Variants in PTK2 observed in about 807,000 individuals in gnomAD.
PTK2 encodes protein tyrosine kinase 2, also known as focal adhesion kinase 1.
In PTK2, 45 loss-of-function variants were observed where a neutral mutation model predicts 150.1. That is an observed-to-expected ratio of 0.30 (90% CI 0.24 to 0.38). The LOEUF is 0.38. Among genes scored for constraint, PTK2 ranks in the 10% least tolerant of loss-of-function variants. The probability of loss-of-function intolerance (pLI) is 1.00; values close to 1 mark genes in which losing one functional copy is unlikely to be tolerated. For missense variants in PTK2, 919 were observed against 1,307.3 expected, an observed-to-expected ratio of 0.70 and a Z score of 4.58; for synonymous variants, 432 against 449.2, an observed-to-expected ratio of 0.96 and a Z score of 0.48.
chr8:140,872,539 G>A (rs1225844598), intron 4 of PTK2, among the ~76,000 whole-genome samples: 1 of 152,162 alleles, frequency 6.6e-6, no homozygotes, highest in Non-Finnish European at 1.5e-5. Flanking sequence ...CCTGCCCCTG[G>A]ACTGACTGGG....
exon 29 of PTK2, chr8:140,674,341 G>T: frequency 6.2e-7 from 1 of 1,608,050 alleles, no homozygotes. Flanking sequence ...GCTGAGGCTG[G>T]CAAGGCTTCC....
chr8:140,829,650 A>T (rs1278534829), intron 8 of PTK2, among the ~76,000 whole-genome samples: 1 of 152,140 alleles, frequency 6.6e-6, no homozygotes, highest in Non-Finnish European at 1.5e-5. Context: ...GTAGAATAAG[A>T]TCTTTGAAAA....
intron 2 of PTK2, among the ~76,000 whole-genome samples, chr8:140,901,991 C>T (rs2100158660): frequency 6.6e-6 from 1 of 151,402 alleles, no homozygotes; most frequent in South Asian, 2.1e-4. Context: ...ATCAACTCAT[C>T]CTTTTTTATG....
chr8:140,758,956 A>T (rs2100067548), intron 16 of PTK2, among the ~76,000 whole-genome samples: 1 of 152,206 alleles, frequency 6.6e-6, no homozygotes, highest in Non-Finnish European at 1.5e-5. Flanking sequence ...CATGTGCTAC[A>T]ACTGCCCACA....
intron 22 of PTK2, among the ~76,000 whole-genome samples, chr8:140,724,932 T>C (rs924763027): frequency 2.0e-5 from 3 of 152,212 alleles, no homozygotes; most frequent in Non-Finnish European, 4.4e-5. Context: ...CTTTTTCTCT[T>C]TTCTCTTAAG....
intron 22 of PTK2, chr8:140,732,769 G>A: frequency 3.8e-6 from 1 of 264,094 alleles, no homozygotes; most frequent in Non-Finnish European, 7.6e-6. Context: ...AGCAGCATAG[G>A]GTAAGCCTGA....
Position 140,764,250 on chromosome 8 carries a change from A to C in PTK2, c.1218T>G (p.Thr406=), listed in dbSNP as rs531165713. ...TTTACTTACTTGAGGGCATGGTGTAAGTATCTTCTTCATCTATAATCTCAG... is the reference window on the plus strand; with the variant it reads ...TTTACTTACTTGAGGGCATGGTGTACGTATCTTCTTCATCTATAATCTCAG... Residue 406 remains threonine (T), a synonymous_variant, in exon 15 of 32, where the codon ACT becomes ACG. Coordinates refer to ENST00000522684, the Ensembl canonical transcript of PTK2. 120 of 1,610,982 alleles carry C rather than the reference A, an allele frequency of 7.4e-5. 1 individual carries two copies. The Middle Eastern group carries it at 8.3e-4, about 11-fold the overall frequency.
rs528488194 is a variant in PTK2 at position 140,885,207 on chromosome 8, AATCTTTGGCTATCAAATCAAT to A, written c.195+5315_195+5335del. On this transcript the variant is annotated intron_variant, in intron 3 of 31. Coordinates refer to ENST00000522684, the Ensembl canonical transcript of PTK2. ...GTGGGGTATGGCTTTGAATAGGTAT[AATCTTTGGCTATCAAATCAAT>A]ATCTTTGTGGTTATTTGTCAATTAA... Among the ~76,000 whole-genome samples, 356 of 152,336 alleles carry A rather than the reference AATCTTTGGCTATCAAATCAAT, an allele frequency of 2.3e-3. 1 individual carries two copies. Among genetic ancestry groups the A allele is most frequent in the African/African-American group, 8.0e-3 (332 of 41,572 alleles).
intron 2 of PTK2, among the ~76,000 whole-genome samples, chr8:140,919,983 A>G (rs528073613): frequency 5.3e-4 from 80 of 152,294 alleles, no homozygotes; most frequent in South Asian, 2.7e-3. Flanking sequence ...CCTGAAAACT[A>G]AAATCAATCA....
At chr8:140,988,170 A>T (rs1383772065) in intron 1 of PTK2, among the ~76,000 whole-genome samples, 1 of 152,246 alleles carries the variant, frequency 6.6e-6, no homozygotes, top group Non-Finnish European at 1.5e-5. Context: ...AAAAATATTC[A>T]GAGATCTATA....
intron 26 of PTK2, among the ~76,000 whole-genome samples, chr8:140,695,050 T>A (rs1023833015): frequency 1.3e-5 from 2 of 152,266 alleles, no homozygotes; most frequent in African/African-American, 2.4e-5. Context: ...ATGCCCTATA[T>A]CCAGCTGCCT....
At chr8:140,809,713 G>A (rs1375445326) in intron 10 of PTK2, among the ~76,000 whole-genome samples, 2 of 152,198 alleles carry the variant, frequency 1.3e-5, no homozygotes, top group African/African-American at 4.8e-5. Flanking sequence ...GACTGAGGCA[G>A]GAGAACTGCT....
chr8:140,675,168 C>CTTTT (rs772090005), intron 28 of PTK2, among the ~76,000 whole-genome samples: 1 of 138,334 alleles, frequency 7.2e-6, no homozygotes, highest in South Asian at 2.4e-4. Context: ...GCATTTCTTT[C>CTTTT]TTTTTTTTTT....
chr8:140,918,411 T>C (rs1444349627), intron 2 of PTK2, among the ~76,000 whole-genome samples: 2 of 152,254 alleles, frequency 1.3e-5, no homozygotes, highest in Non-Finnish European at 2.9e-5. Flanking sequence ...CTTTCTGCAT[T>C]TGATAGTCTT....
chr8:140,955,695 A>G (rs2100180975), intron 1 of PTK2, among the ~76,000 whole-genome samples: 1 of 152,200 alleles, frequency 6.6e-6, no homozygotes, highest in Non-Finnish European at 1.5e-5. Flanking sequence ...AAAAGATCGG[A>G]AGCATAGCAA....
intron 27 of PTK2, among the ~76,000 whole-genome samples, chr8:140,678,422 C>T (rs1187482963): frequency 6.6e-6 from 1 of 152,140 alleles, no homozygotes; most frequent in African/African-American, 2.4e-5. Flanking sequence ...TCTTTGTTCA[C>T]TGTAGACTCG....
chr8:140,818,446 G>T, intron 9 of PTK2, 92 bp from the exon 10 acceptor site: 1 of 1,103,782 alleles, frequency 9.1e-7, no homozygotes, highest in Non-Finnish European at 1.4e-6. Flanking sequence ...AAGGACCAAA[G>T]CAGGGGCTGG....
intron 7 of PTK2, among the ~76,000 whole-genome samples, chr8:140,836,122 T>A (rs920110522): frequency 6.6e-6 from 1 of 152,208 alleles, no homozygotes; most frequent in African/African-American, 2.4e-5. Flanking sequence ...TTACATTTAT[T>A]CCAATGTTTA....
chr8:140,964,288 G>A (rs1390872772), intron 1 of PTK2, among the ~76,000 whole-genome samples: 2 of 152,082 alleles, frequency 1.3e-5, no homozygotes, highest in Non-Finnish European at 2.9e-5. Flanking sequence ...GTGCAGTGAG[G>A]AGAGCCTAGC....
Sources: gnomAD v4.1 joint callset for allele counts (sites outside exome capture counted in the v4.1 genomes callset) on GRCh38, gnomAD v4.1.1 for gene constraint, MANE v1.5 for transcripts, NCBI Gene and HGNC (gene_info 2026-07-23, HGNC 2026-07-21) for gene names.